The following MDGA2 variants were observed in gnomAD, a reference collection of about 807,000 sequenced individuals.
MDGA2 encodes the protein MAM domain-containing glycosylphosphatidylinositol anchor protein 2.
MDGA2 carries 40 observed loss-of-function variants against 117.8 expected under a neutral mutation model. The observed-to-expected ratio is 0.34, with a 90% CI of 0.26 to 0.44. The LOEUF is 0.44. Ranked by LOEUF, MDGA2 falls within the 20% of genes least tolerant of loss-of-function variation. The probability of loss-of-function intolerance (pLI) is 1.00; values close to 1 mark genes in which losing one functional copy is unlikely to be tolerated. For synonymous variants in MDGA2, 452 were observed against 439.0 expected (o/e 1.03, Z -0.37); for missense variants, 1,123 against 1,250.6 (o/e 0.90, Z 1.54).
intron 1 of MDGA2, among the ~76,000 whole-genome samples, chr14:47,490,419 T>C (rs1894144956): frequency 1.3e-5 from 2 of 152,130 alleles, no homozygotes; most frequent in South Asian, 4.1e-4. Flanking sequence ...TCTGAATACA[T>C]TTCAAGAAAA....
intron 6 of MDGA2, among the ~76,000 whole-genome samples, chr14:47,067,530 T>C (rs1051065356): frequency 6.6e-6 from 1 of 152,212 alleles, no homozygotes; most frequent in Non-Finnish European, 1.5e-5. Context: ...TAATGGTACA[T>C]TGAAGTTATA....
intron 6 of MDGA2, among the ~76,000 whole-genome samples, chr14:47,091,299 C>T (rs1879642162): frequency 6.6e-6 from 1 of 152,084 alleles, no homozygotes; most frequent in Non-Finnish European, 1.5e-5. Flanking sequence ...TTCTAGGCTC[C>T]AAGACTACAT....
intron 1 of MDGA2, among the ~76,000 whole-genome samples, chr14:47,317,030 A>T (rs1180283480): frequency 3.3e-5 from 5 of 152,112 alleles, no homozygotes; most frequent in Non-Finnish European, 5.9e-5. Flanking sequence ...AGCTACCAGT[A>T]CCTTAAAGTG....
intron 1 of MDGA2, among the ~76,000 whole-genome samples, chr14:47,530,101 C>T (rs1390811496): frequency 3.3e-5 from 5 of 152,160 alleles, no homozygotes; most frequent in Non-Finnish European, 5.9e-5. Flanking sequence ...GGTTTCACAT[C>T]ACCAAGATTC....
intron 1 of MDGA2, among the ~76,000 whole-genome samples, chr14:47,542,333 T>C (rs1895369771): frequency 6.6e-6 from 1 of 152,212 alleles, no homozygotes; most frequent in Non-Finnish European, 1.5e-5. Flanking sequence ...CTCCTTAGGA[T>C]ATTCTACTCA....
At chr14:47,645,899 A>C (rs1403278592) in intron 1 of MDGA2, among the ~76,000 whole-genome samples, 5 of 151,578 alleles carry the variant, frequency 3.3e-5, no homozygotes, top group Non-Finnish European at 5.9e-5. Flanking sequence ...GATGAAACCC[A>C]GTCTCTACTA....
At chr14:47,453,467 A>C (rs1893282128) in intron 1 of MDGA2, among the ~76,000 whole-genome samples, 5 of 152,132 alleles carry the variant, frequency 3.3e-5, no homozygotes, top group Admixed American at 3.3e-4. Flanking sequence ...TCAGTGAAAG[A>C]TAACCGAAAT....
chr14:47,005,957 T>C (rs1310062895), intron 8 of MDGA2, among the ~76,000 whole-genome samples: 2 of 151,658 alleles, frequency 1.3e-5, no homozygotes, highest in Non-Finnish European at 3.0e-5. Context: ...AAATGGATGC[T>C]GTCGGCACTT....
intron 3 of MDGA2, among the ~76,000 whole-genome samples, chr14:47,172,058 T>G (rs1261090249): frequency 1.3e-5 from 2 of 152,242 alleles, no homozygotes; most frequent in East Asian, 3.9e-4. Context: ...CACAGTGGTC[T>G]GAGATCAAAC....
downstream of MDGA2, chr14:46,840,003 T>G (rs528735324): frequency 6.6e-6 from 1 of 152,334 alleles, no homozygotes; most frequent in South Asian, 2.1e-4. Flanking sequence ...GCACTGAAGA[T>G]TTATCCCATG....
chr14:47,338,833 C>T (rs1890535796), intron 1 of MDGA2, among the ~76,000 whole-genome samples: 1 of 152,034 alleles, frequency 6.6e-6, no homozygotes, highest in African/African-American at 2.4e-5. Flanking sequence ...ATGTCAAACC[C>T]AGTAGTGAAT....
At chr14:47,588,125 G>A (rs72670773) in intron 1 of MDGA2, among the ~76,000 whole-genome samples, 17,285 of 150,514 alleles carry the variant, frequency 0.11, 1,182 homozygotes, top group Non-Finnish European at 0.14. Context: ...ACTTATAGGT[G>A]GATGAACATT....
rs909884074 is a variant in MDGA2 at position 47,245,752 on chromosome 14, A to C, written c.421-27557T>G. On this transcript the variant is annotated intron_variant, in intron 2 of 16. Transcript: ENST00000399232. ...ATTTCTAATATTTAAAGAAAAACAT[A>C]CAAAATGTTAAAGTCGTTCATTACC... Among the ~76,000 whole-genome samples the C allele has an allele frequency of 3.3e-5, 5 of 151,860 alleles. 1 individual carries two copies. The highest frequency in any genetic ancestry group is 4.8e-5 in the African/African-American group (2 of 41,418).
At position 47,228,944 on chromosome 14, in the gene MDGA2, AAAAT is replaced by A. The variant is rs538882929; in HGVS notation, c.421-10753_421-10750del. Reference sequence around the variant, plus strand: ...TTAGGCACCCTCTGCCCAATATATCAAAATTCCAGTCTCCCAAAATTAAAGCAAA... The same window carrying A: ...TTAGGCACCCTCTGCCCAATATATCATCCAGTCTCCCAAAATTAAAGCAAA... On this transcript the variant is annotated intron_variant, in intron 2 of 16. Transcript: ENST00000399232. Among the ~76,000 whole-genome samples, 382 of 152,280 alleles carry A rather than the reference AAAAT, an allele frequency of 2.5e-3. 2 individuals carry two copies. The highest frequency in any genetic ancestry group is 9.0e-3 in the African/African-American group (372 of 41,554).
rs1344751322 is a variant in MDGA2, at chr14:47,532,933, T to C, written c.280+141584A>G. ...AGGCTGCATCTTAGGCTCCATCCTA[T>C]GGCCTCCAAAACATCATGCCTTCCC... is the stretch of plus-strand genomic sequence containing the variant. On this transcript the variant is annotated intron_variant, in intron 1 of 16. Transcript: ENST00000399232. Among the ~76,000 whole-genome samples the C allele has an allele frequency of 3.9e-5, 6 of 152,364 alleles. No individual in the cohort carries two copies. In the East Asian group the frequency reaches 1.2e-3, roughly 29 times the overall value.
At chr14:47,097,931 C>A (rs1281620758) in intron 5 of MDGA2, among the ~76,000 whole-genome samples, 3 of 151,982 alleles carry the variant, frequency 2.0e-5, no homozygotes, top group Non-Finnish European at 4.4e-5. Flanking sequence ...GCAGCCTTTT[C>A]ATCAAACACT....
intron 1 of MDGA2, among the ~76,000 whole-genome samples, chr14:47,454,084 T>A (rs989373684): frequency 6.6e-6 from 1 of 152,238 alleles, no homozygotes. Context: ...ATGTACTCCC[T>A]CTGCTACTAG....
In MDGA2 at chr14:47,350,964, C is replaced by G. The variant is rs1566750435; in HGVS notation, c.281-49414G>C. On this transcript the variant is annotated intron_variant, in intron 1 of 16. Coordinates refer to ENST00000399232, the MANE Select transcript of MDGA2 (RefSeq NM_001113498.3). ...TCTCGCTGCAACACCCAGGCTGGAA[C>G]GCAATGGCACAATCTCGGCTCACTG... Among the ~76,000 whole-genome samples, 4 of 152,204 alleles carry G rather than the reference C, an allele frequency of 2.6e-5. No homozygotes were observed. In the East Asian group the frequency reaches 5.8e-4, roughly 22 times the overall value.
chr14:47,089,159 T>C (rs1349710421), intron 6 of MDGA2, among the ~76,000 whole-genome samples: 1 of 152,032 alleles, frequency 6.6e-6, no homozygotes, highest in Non-Finnish European at 1.5e-5. Context: ...TCTTTGGCAA[T>C]GCAAGAATAG....
Sources: gnomAD v4.1 joint callset for allele counts (sites outside exome capture counted in the v4.1 genomes callset) on GRCh38, gnomAD v4.1.1 for gene constraint, MANE v1.5 for transcripts, NCBI Gene and HGNC (gene_info 2026-07-23, HGNC 2026-07-21) for gene names.